Variants in PTPRT observed in about 807,000 individuals in gnomAD.
The protein encoded by PTPRT is protein tyrosine phosphatase receptor type T.
In PTPRT, 56 loss-of-function variants were observed where a neutral mutation model predicts 176.8. The ratio of observed to expected loss-of-function variants is 0.32; its 90% CI spans 0.26 to 0.40. The LOEUF (loss-of-function observed/expected upper bound fraction) is 0.40. PTPRT is among the 10% of genes least tolerant of loss of function. PTPRT has a pLI of 1.00. For synonymous variants in PTPRT, 783 were observed against 739.0 expected, an observed-to-expected ratio of 1.06 and a Z score of -0.96; for missense variants, 1,540 against 1,908.2, an observed-to-expected ratio of 0.81 and a Z score of 3.60.
intron 17 of PTPRT, among the ~76,000 whole-genome samples, chr20:42,142,461 G>A (rs1219268509): frequency 6.6e-6 from 1 of 152,162 alleles, no homozygotes; most frequent in African/African-American, 2.4e-5. Flanking sequence ...TGAAAATAAA[G>A]CAGAATAAAG....
At chr20:43,111,709 G>C (rs189904833) in intron 1 of PTPRT, among the ~76,000 whole-genome samples, 133 of 152,284 alleles carry the variant, frequency 8.7e-4, no homozygotes, top group Middle Eastern at 6.8e-3. Context: ...GAGGCAGAGA[G>C]CTGGAGTCCT....
chr20:42,740,807 C>T (rs2076597814), intron 6 of PTPRT, among the ~76,000 whole-genome samples: 1 of 152,166 alleles, frequency 6.6e-6, no homozygotes, highest in African/African-American at 2.4e-5. Context: ...GCCAGGGCAA[C>T]ATGGTAGGAG....
At chr20:42,389,075 A>G (rs2058773487) in intron 9 of PTPRT, among the ~76,000 whole-genome samples, 1 of 146,270 alleles carries the variant, frequency 6.8e-6, no homozygotes, top group South Asian at 2.3e-4. Flanking sequence ...GAATTGAACA[A>G]TGAGAACACT....
In PTPRT at chr20:42,472,452, G is replaced by C; in HGVS notation, c.1264C>G (p.Leu422Val). The C allele has an allele frequency of 6.2e-7, 1 of 1,614,258 alleles. No homozygotes were observed. Among genetic ancestry groups the C allele is most frequent in the Non-Finnish European group, 8.5e-7 (1 of 1,180,042 alleles). ...AACACATACTGGTACTGCACGGTGA[G>C]GTTGTAGCTATGGCAGCGGGTCACC... ...YAVTRCHSYN[L>V]TVQYQYVFNQ... Residue 422 changes from leucine to valine, a missense_variant, in exon 8 of 31, where the codon CTC becomes GTC. Leu to Val is a conservative substitution (Grantham distance 32). This residue lies in a region of PTPRT where 79 missense variants were observed against 80.0 expected (regional missense o/e 0.99). Transcript: ENST00000373187.
chr20:42,161,916 T>C (rs1235986287), intron 16 of PTPRT, among the ~76,000 whole-genome samples: 1 of 152,162 alleles, frequency 6.6e-6, no homozygotes, highest in African/African-American at 2.4e-5. Flanking sequence ...AGGCTGGAAA[T>C]AGTGCCTGAT....
intron 11 of PTPRT, among the ~76,000 whole-genome samples, chr20:42,318,783 A>G (rs1376476579): frequency 6.6e-6 from 1 of 152,116 alleles, no homozygotes; most frequent in Non-Finnish European, 1.5e-5. Context: ...CAGACTTCCC[A>G]TTCTACCTTA....
chr20:42,563,045 A>G lies in PTPRT; in HGVS notation c.1154-90483T>C, dbSNP rs984594194. ...GTAATAAGGTTAAAAGCAAGGAAGAAAGACTGAAATAAAAATTAAAAACAT... is the reference window on the plus strand; with the variant it reads ...GTAATAAGGTTAAAAGCAAGGAAGAGAGACTGAAATAAAAATTAAAAACAT... On this transcript the variant is annotated intron_variant, in intron 7 of 30. Coordinates refer to ENST00000373187, the MANE Select transcript of PTPRT (RefSeq NM_007050.6). 2.0e-5 allele frequency among the ~76,000 whole-genome samples: 3 copies of G among 152,332 alleles called. No individual in the cohort carries two copies. In the East Asian group the frequency reaches 5.8e-4, roughly 29 times the overall value.
intron 1 of PTPRT, among the ~76,000 whole-genome samples, chr20:43,086,449 G>A (rs1363503069): frequency 2.6e-5 from 4 of 152,290 alleles, no homozygotes; most frequent in South Asian, 4.1e-4. Context: ...AAGATCACAC[G>A]TACTGTGTTG....
intron 7 of PTPRT, among the ~76,000 whole-genome samples, chr20:42,565,751 G>A (rs1303974229): frequency 6.6e-6 from 1 of 152,158 alleles, no homozygotes; most frequent in Admixed American, 6.5e-5. Context: ...TGAGCGCATT[G>A]GTGTGGGAGC....
intron 7 of PTPRT, among the ~76,000 whole-genome samples, chr20:42,516,331 C>T (rs1460014795): frequency 6.6e-6 from 1 of 152,096 alleles, no homozygotes; most frequent in Non-Finnish European, 1.5e-5. Context: ...GACTTCCCCT[C>T]ATAAAGATAA....
chr20:42,699,873 A>G (rs1331816862), intron 6 of PTPRT, among the ~76,000 whole-genome samples: 18 of 152,124 alleles, frequency 1.2e-4, no homozygotes, highest in Admixed American at 1.2e-3. Flanking sequence ...ATTGACAAAA[A>G]AAGTAAGCCC....
At chr20:42,168,617 C>G (rs6030026) in intron 16 of PTPRT, among the ~76,000 whole-genome samples, 51,093 of 152,064 alleles carry the variant, frequency 0.34, 9,020 homozygotes, top group East Asian at 0.38. Flanking sequence ...ATTTCAACTG[C>G]TAAAAATTTC....
intron 9 of PTPRT, among the ~76,000 whole-genome samples, chr20:42,409,147 CA>C (rs910077867): frequency 4.0e-5 from 6 of 151,772 alleles, no homozygotes; most frequent in African/African-American, 1.2e-4. Context: ...CCATTGCAAT[CA>C]AAAAAAGTTA....
chr20:42,620,257 G>T (rs889223392), intron 7 of PTPRT, among the ~76,000 whole-genome samples: 4 of 150,254 alleles, frequency 2.7e-5, no homozygotes, highest in Admixed American at 2.6e-4. Flanking sequence ...CTGCTCGGGG[G>T]TCAGGGGTCA....
chr20:42,837,217 C>A (rs1021871222), intron 2 of PTPRT, among the ~76,000 whole-genome samples: 1 of 152,218 alleles, frequency 6.6e-6, no homozygotes, highest in South Asian at 2.1e-4. Context: ...CTGGAGCCCA[C>A]AGAGGCCCAT....
At chr20:42,053,327 A>G in the PTPRT span, among the ~76,000 whole-genome samples, 1 of 152,164 alleles carries the variant, frequency 6.6e-6, no homozygotes. Context: ...CTGATGGGAC[A>G]ATGACAACAC....
chr20:42,047,360 TG>T, the PTPRT span, among the ~76,000 whole-genome samples: 1 of 152,224 alleles, frequency 6.6e-6, no homozygotes, highest in Non-Finnish European at 1.5e-5. Flanking sequence ...GATTGCTGCC[TG>T]GGCTGTCAGA....
chr20:42,721,134 T>G (rs888759401), intron 6 of PTPRT, among the ~76,000 whole-genome samples: 2 of 152,166 alleles, frequency 1.3e-5, no homozygotes, highest in Non-Finnish European at 1.5e-5. Context: ...GGAGTTTGCA[T>G]GTTCAAGGGT....
intron 1 of PTPRT, among the ~76,000 whole-genome samples, chr20:43,034,301 C>T (rs962556670): frequency 8.5e-5 from 13 of 152,296 alleles, no homozygotes; most frequent in Admixed American, 5.9e-4. Flanking sequence ...AGGGAAACCC[C>T]CTCCCTTTGA....
Sources: gnomAD v4.1 joint callset for allele counts (sites outside exome capture counted in the v4.1 genomes callset) on GRCh38, gnomAD v4.1.1 for gene constraint, gnomAD v4.1.1 regional missense constraint, MANE v1.5 for transcripts, NCBI Gene and HGNC (gene_info 2026-07-23, HGNC 2026-07-21) for gene names.